The following SAMMSON variants were observed in gnomAD, a reference collection of about 807,000 sequenced individuals.
SAMMSON encodes survival associated mitochondrial melanoma specific oncogenic non-coding RNA, also known as long intergenic non-protein coding RNA 1212.
intron 3 of SAMMSON, among the ~76,000 whole-genome samples, chr3:70,057,469 C>G (rs1288166760): frequency 6.6e-6 from 1 of 151,884 alleles, no homozygotes; most frequent in East Asian, 1.9e-4. Flanking sequence ...TTGTCTTTGC[C>G]TTGTTTGAGG....
At chr3:70,161,819 A>C (rs1003570983) in intron 4 of SAMMSON, among the ~76,000 whole-genome samples, 1 of 151,812 alleles carries the variant, frequency 6.6e-6, no homozygotes, top group Non-Finnish European at 1.5e-5. Context: ...TCTGGCAATT[A>C]AATTATTTTC....
intron 3 of SAMMSON, among the ~76,000 whole-genome samples, chr3:70,019,117 G>A (rs914542359): frequency 6.6e-6 from 1 of 152,154 alleles, no homozygotes; most frequent in African/African-American, 2.4e-5. Flanking sequence ...GCAGAGCTGA[G>A]TTCAATTCCT....
chr3:70,028,177 TCC>T (rs1491571615), intron 3 of SAMMSON, among the ~76,000 whole-genome samples: 40,024 of 135,570 alleles, frequency 0.3, 6,023 homozygotes, highest in East Asian at 0.42. Flanking sequence ...CTTCCTTCCT[TCC>T]TTCCTTCCTT....
intron 4 of SAMMSON, among the ~76,000 whole-genome samples, chr3:70,155,154 G>T (rs2067586825): frequency 6.6e-6 from 1 of 151,738 alleles, no homozygotes; most frequent in Admixed American, 6.6e-5. Context: ...TGCAACCTCG[G>T]TCAGGTCACC....
chr3:70,220,887 A>G (rs1701455977), intron 4 of SAMMSON, among the ~76,000 whole-genome samples: 1 of 152,126 alleles, frequency 6.6e-6, no homozygotes, highest in Admixed American at 6.6e-5. Context: ...CAGGGAGGGG[A>G]ACCATGCCTT....
At chr3:70,101,135 A>G (rs1460828447) in intron 4 of SAMMSON, among the ~76,000 whole-genome samples, 1 of 150,598 alleles carries the variant, frequency 6.6e-6, no homozygotes, top group East Asian at 2.0e-4. Context: ...AGATGAGGCT[A>G]TATAATTACA....
chr3:70,236,666 G>T (rs1701612386), intron 4 of SAMMSON, among the ~76,000 whole-genome samples: 1 of 152,120 alleles, frequency 6.6e-6, no homozygotes, highest in South Asian at 2.1e-4. Flanking sequence ...CACAATCATG[G>T]CTCGCTGCAG....
intron 4 of SAMMSON, among the ~76,000 whole-genome samples, chr3:70,130,107 A>G (rs571460028): frequency 3.5e-4 from 53 of 152,300 alleles, no homozygotes; most frequent in Non-Finnish European, 5.9e-4. Flanking sequence ...CCTCTTTATG[A>G]ATAGGGCTGT....
chr3:70,259,836 C>T (rs530002699), intron 6 of SAMMSON, among the ~76,000 whole-genome samples: 2 of 152,186 alleles, frequency 1.3e-5, no homozygotes, highest in South Asian at 4.1e-4. Flanking sequence ...TTCAGCACAG[C>T]TGGGGAGGTC....
At chr3:70,415,618 A>T (rs536506791) in intron 2 of SAMMSON, among the ~76,000 whole-genome samples, 228 of 152,302 alleles carry the variant, frequency 1.5e-3, no homozygotes, top group Non-Finnish European at 2.6e-3. Flanking sequence ...TTAGGCTTTC[A>T]ATATGGTAAT....
intron 4 of SAMMSON, among the ~76,000 whole-genome samples, chr3:70,105,755 A>G (rs751982697): frequency 1.4e-4 from 21 of 152,350 alleles, no homozygotes; most frequent in Non-Finnish European, 2.4e-4. Context: ...TAAGGGTGTC[A>G]GCGTGGCAGG....
intron 9 of SAMMSON, among the ~76,000 whole-genome samples, chr3:70,371,782 G>A (rs1265930743): frequency 1.3e-5 from 2 of 152,036 alleles, no homozygotes; most frequent in Non-Finnish European, 2.9e-5. Context: ...TCTGCAAAGA[G>A]GGACATTTTG....
chr3:70,124,766 G>T (rs1372503022), intron 4 of SAMMSON, among the ~76,000 whole-genome samples: 6 of 117,984 alleles, frequency 5.1e-5, no homozygotes, highest in Non-Finnish European at 8.0e-5. Flanking sequence ...AGTGAGTCAA[G>T]ATCGTGCCAG....
intron 4 of SAMMSON, among the ~76,000 whole-genome samples, chr3:70,112,687 C>A (rs2067394600): frequency 6.6e-6 from 1 of 151,928 alleles, no homozygotes; most frequent in Non-Finnish European, 1.5e-5. Flanking sequence ...TTAATAAATG[C>A]AAAATAAATT....
At chr3:70,256,994 G>A (rs879575203) in intron 6 of SAMMSON, among the ~76,000 whole-genome samples, 1 of 152,186 alleles carries the variant, frequency 6.6e-6, no homozygotes, top group Non-Finnish European at 1.5e-5. Context: ...CGAAGGAGAG[G>A]AGGGCAAGTC....
At chr3:70,133,919 A>G (rs1047605820) in intron 4 of SAMMSON, among the ~76,000 whole-genome samples, 1 of 152,080 alleles carries the variant, frequency 6.6e-6, no homozygotes, top group Non-Finnish European at 1.5e-5. Context: ...AGTGAAGATA[A>G]TATTTTCTAC....
rs1357287911 is a variant in SAMMSON at position 70,126,230 on chromosome 3, A to G, written n.507+54665A>G. The G allele has an allele frequency of 4.6e-5, 48 of 1,037,816 alleles. No individual in the cohort carries two copies. The East Asian group carries it at 1.2e-3, about 26-fold the overall frequency. The allele number at this position is 1,037,816 out of a possible 1,614,324, so 64.3% of individuals were successfully genotyped here. ...AAATAACCAATTCTTTCTTTTCTTT[A>G]TCGTCTTCAACAGGGTCATCAGACC... On this transcript the variant is annotated intron_variant and non_coding_transcript_variant, in intron 4 of 9. Coordinates refer to ENST00000642114, the Ensembl canonical transcript of SAMMSON.
intron 4 of SAMMSON, among the ~76,000 whole-genome samples, chr3:70,113,939 C>A (rs1437277910): frequency 6.6e-6 from 1 of 152,180 alleles, no homozygotes; most frequent in African/African-American, 2.4e-5. Flanking sequence ...GGAAGCAAAG[C>A]AAATGGCACC....
intron 7 of SAMMSON, among the ~76,000 whole-genome samples, chr3:70,330,898 A>C (rs1702617215): frequency 6.6e-6 from 1 of 152,224 alleles, no homozygotes; most frequent in Non-Finnish European, 1.5e-5. Context: ...AATAAATTAT[A>C]GACAACTCAT....
Sources: allele counts gnomAD v4.1 joint callset (sites outside exome capture counted in the v4.1 genomes callset), GRCh38; gene constraint gnomAD v4.1.1; transcripts MANE v1.5; gene names NCBI Gene and HGNC (gene_info 2026-07-23, HGNC 2026-07-21).